Variants in TSHZ3 observed in about 807,000 individuals in gnomAD.
The protein encoded by TSHZ3 is teashirt zinc finger homeobox 3, also known as teashirt homolog 3.
A neutral mutation model predicts 64.5 loss-of-function variants in TSHZ3; 10 were observed. The ratio of observed to expected loss-of-function variants is 0.16; its 90% CI spans 0.10 to 0.26. The LOEUF is 0.26. TSHZ3 is among the 10% of genes least tolerant of loss of function. The pLI, the probability that TSHZ3 is intolerant of heterozygous loss-of-function variation, is 1.00. For synonymous variants in TSHZ3, 608 were observed against 593.1 expected, an observed-to-expected ratio of 1.03 and a Z score of -0.36; for missense variants, 1,242 against 1,421.7, an observed-to-expected ratio of 0.87 and a Z score of 2.03.
intron 3 of TSHZ3, among the ~76,000 whole-genome samples, chr19:31,235,002 GA>G (rs1434610951): frequency 6.6e-6 from 1 of 152,138 alleles, no homozygotes; most frequent in Non-Finnish European, 1.5e-5. Flanking sequence ...TCTTGTATGG[GA>G]AGTTTTTTTA....
rs990283493 is a variant in TSHZ3 at position 31,276,079 on chromosome 19, T to A, written c.*468A>T. 2.0e-5 allele frequency: 3 copies of A among 152,998 alleles called. No homozygotes were observed. Among genetic ancestry groups the A allele is most frequent in the African/African-American group, 7.2e-5 (3 of 41,460 alleles). The allele number at this position is 152,998 out of a possible 1,614,324, so 9.5% of individuals were successfully genotyped here. Reference sequence around the variant, plus strand: ...ATTATAACTAAGCTGGTAAGGAGTTTAAAAAACAGAGCTTCATACATTATT... The same window carrying A: ...ATTATAACTAAGCTGGTAAGGAGTTAAAAAAACAGAGCTTCATACATTATT... On this transcript the variant is annotated 3_prime_UTR_variant, in exon 2 of 2. Coordinates refer to ENST00000240587, the MANE Select transcript of TSHZ3 (RefSeq NM_020856.4).
At chr19:31,202,673 C>G (rs557172691) in intron 5 of TSHZ3, among the ~76,000 whole-genome samples, 1 of 152,156 alleles carries the variant, frequency 6.6e-6, no homozygotes, top group African/African-American at 2.4e-5. Flanking sequence ...AGGGTAAACT[C>G]TTTTTTAAGC....
chr19:31,348,843 A>AC (rs1379721529), intron 1 of TSHZ3: 1 of 287,750 alleles, frequency 3.5e-6, no homozygotes. Context: ...AACTCAGGTG[A>AC]CCCCGCCCGC....
rs142704137 is a variant in TSHZ3, at chr19:31,345,400, A to G, written c.40+3780T>C. ...TGGAGCTGCCCGATGTGTGGACCAG[A>G]CTTAGGAAGGTGTCATCTGGACACC... On this transcript the variant is annotated intron_variant, in intron 1 of 1. Coordinates refer to ENST00000240587, the MANE Select transcript of TSHZ3 (RefSeq NM_020856.4). Among the ~76,000 whole-genome samples the G allele has an allele frequency of 1.8e-3, 268 of 152,288 alleles. 1 individual carries two copies. Among genetic ancestry groups the G allele is most frequent in the African/African-American group, 6.1e-3 (254 of 41,556 alleles).
chr19:31,306,820 A>T (rs993428293), intron 1 of TSHZ3, among the ~76,000 whole-genome samples: 2 of 152,148 alleles, frequency 1.3e-5, no homozygotes, highest in African/African-American at 4.8e-5. Context: ...AGAAAGAGAA[A>T]CATACTAATT....
chr19:31,214,205 T>A (rs1341468641), intron 4 of TSHZ3, among the ~76,000 whole-genome samples: 1 of 152,214 alleles, frequency 6.6e-6, no homozygotes, highest in Admixed American at 6.5e-5. Flanking sequence ...CCGTCATTCA[T>A]GTAATCATTT....
chr19:31,336,293 G>A (rs1917240075), intron 1 of TSHZ3, among the ~76,000 whole-genome samples: 1 of 152,018 alleles, frequency 6.6e-6, no homozygotes, highest in Non-Finnish European at 1.5e-5. Context: ...AATTTTTTTT[G>A]AGGCTGAAAG....
chr19:31,349,875 G>T (rs983407123), upstream of TSHZ3, among the ~76,000 whole-genome samples: 1 of 147,266 alleles, frequency 6.8e-6, no homozygotes, highest in African/African-American at 2.5e-5. Context: ...AGATGATCGT[G>T]TCAATCGCCC....
intron 1 of TSHZ3, among the ~76,000 whole-genome samples, chr19:31,281,549 G>A: frequency 6.6e-6 from 1 of 152,162 alleles, no homozygotes; most frequent in East Asian, 1.9e-4. Context: ...CCCTGCTGCA[G>A]TCAGCTGAGT....
chr19:31,244,316 C>T (rs1203778453), intron 1 of TSHZ3, among the ~76,000 whole-genome samples: 1 of 152,088 alleles, frequency 6.6e-6, no homozygotes, highest in African/African-American at 2.4e-5. Context: ...CTCTCTTCCT[C>T]CTGCTCTGGC....
At chr19:31,185,686 T>G (rs1370824729) in intron 5 of TSHZ3, among the ~76,000 whole-genome samples, 1 of 152,204 alleles carries the variant, frequency 6.6e-6, no homozygotes, top group Non-Finnish European at 1.5e-5. Flanking sequence ...AGGTATAATT[T>G]GCATATAGCA....
chr19:31,338,408 G>C (rs1334036916), intron 1 of TSHZ3, among the ~76,000 whole-genome samples: 2 of 152,184 alleles, frequency 1.3e-5, no homozygotes, highest in Non-Finnish European at 2.9e-5. Context: ...AGGCTGCTGG[G>C]AGCCCGGGCA....
downstream of TSHZ3, among the ~76,000 whole-genome samples, chr19:31,272,796 C>T (rs556544486): frequency 9.2e-5 from 14 of 152,216 alleles, no homozygotes; most frequent in East Asian, 1.7e-3. Context: ...ATGTGATGGT[C>T]GGAAGATATA....
chr19:31,228,404 C>A (rs1232473387), intron 3 of TSHZ3, among the ~76,000 whole-genome samples: 2 of 151,564 alleles, frequency 1.3e-5, no homozygotes, highest in Non-Finnish European at 2.9e-5. Context: ...TGTGTGCCTG[C>A]AGTCCCAGCT....
At chr19:31,206,467 A>G (rs1156237837) in intron 4 of TSHZ3, among the ~76,000 whole-genome samples, 2 of 152,180 alleles carry the variant, frequency 1.3e-5, no homozygotes, top group Non-Finnish European at 2.9e-5. Context: ...AGCATGTTTT[A>G]TTTTGGGAGA....
intron 6 of TSHZ3, among the ~76,000 whole-genome samples, chr19:31,154,071 T>G (rs1044088828): frequency 6.6e-6 from 1 of 152,138 alleles, no homozygotes; most frequent in African/African-American, 2.4e-5. Flanking sequence ...ACTTGCATGT[T>G]TCTGCTCATT....
At chr19:31,313,389 C>T (rs1461511138) in intron 1 of TSHZ3, among the ~76,000 whole-genome samples, 5 of 152,224 alleles carry the variant, frequency 3.3e-5, no homozygotes, top group Non-Finnish European at 5.9e-5. Flanking sequence ...GAACGATGGC[C>T]CCCATGCCTG....
At chr19:31,264,361 A>AGCTT (rs1386587761) in intron 1 of TSHZ3, among the ~76,000 whole-genome samples, 1 of 152,224 alleles carries the variant, frequency 6.6e-6, no homozygotes, top group African/African-American at 2.4e-5. Context: ...CTACAGTGGC[A>AGCTT]GCTTGCTCCT....
At chr19:31,247,833 G>A (rs1282946969) in intron 1 of TSHZ3, among the ~76,000 whole-genome samples, 4 of 149,056 alleles carry the variant, frequency 2.7e-5, no homozygotes, top group African/African-American at 1.0e-4. Flanking sequence ...AAAAATTAAA[G>A]TGCGTGTATA....
Sources: gnomAD v4.1 joint callset for allele counts (sites outside exome capture counted in the v4.1 genomes callset) on GRCh38, gnomAD v4.1.1 for gene constraint, MANE v1.5 for transcripts, NCBI Gene and HGNC (gene_info 2026-07-23, HGNC 2026-07-21) for gene names.